The following GPR158 variants were observed in gnomAD, a reference collection of about 807,000 sequenced individuals.
GPR158 encodes the protein metabotropic glycine receptor.
Under a neutral mutation model 78.2 loss-of-function variants are expected in GPR158, and 30 were observed. The ratio of observed to expected loss-of-function variants is 0.38; its 90% confidence interval spans 0.29 to 0.52. The LOEUF is 0.52. Ranked by LOEUF, GPR158 falls within the 20% of genes least tolerant of loss-of-function variation. The pLI is 0.83. For missense variants in GPR158, 1,463 were observed against 1,523.5 expected, an observed-to-expected ratio of 0.96 and a Z score of 0.66; for synonymous variants, 581 against 591.1, an observed-to-expected ratio of 0.98 and a Z score of 0.25.
At chr10:25,195,058 T>G (rs1852825819) in intron 1 of GPR158, among the ~76,000 whole-genome samples, 1 of 152,118 alleles carries the variant, frequency 6.6e-6, no homozygotes, top group Admixed American at 6.5e-5. Flanking sequence ...TTTTTCTAGA[T>G]CACTTGCTTA....
chr10:25,514,758 T>G (rs1836137722), intron 5 of GPR158, among the ~76,000 whole-genome samples: 2 of 152,178 alleles, frequency 1.3e-5, no homozygotes, highest in Admixed American at 1.3e-4. Flanking sequence ...ACTGTTTCTT[T>G]CCTTCATTTA....
At chr10:25,340,374 T>G (rs147321973) in intron 2 of GPR158, among the ~76,000 whole-genome samples, 33 of 152,188 alleles carry the variant, frequency 2.2e-4, no homozygotes, top group African/African-American at 7.9e-4. Flanking sequence ...GGTGCATGTA[T>G]TTTGGGAGGA....
chr10:25,197,667 A>G (rs931877052), intron 1 of GPR158, among the ~76,000 whole-genome samples: 1 of 152,164 alleles, frequency 6.6e-6, no homozygotes, highest in African/African-American at 2.4e-5. Context: ...GTTCACATAC[A>G]TTTTCTTTCT....
At chr10:25,497,823 T>G (rs1835903376) in intron 5 of GPR158, among the ~76,000 whole-genome samples, 1 of 152,200 alleles carries the variant, frequency 6.6e-6, no homozygotes, top group Non-Finnish European at 1.5e-5. Flanking sequence ...ACCCTTCTAC[T>G]TTTTTGTTGA....
At chr10:25,269,407 G>A (rs16925522) in intron 2 of GPR158, among the ~76,000 whole-genome samples, 1,946 of 152,260 alleles carry the variant, frequency 0.013, 30 homozygotes, top group South Asian at 0.057. Context: ...TTTGAAAAGT[G>A]TTTGTTAATC....
chr10:25,327,322 T>C (rs1455172085), intron 2 of GPR158, among the ~76,000 whole-genome samples: 1 of 152,104 alleles, frequency 6.6e-6, no homozygotes, highest in Non-Finnish European at 1.5e-5. Flanking sequence ...TTCAGTCACC[T>C]GGACAACCTA....
chr10:25,249,997 A>T (rs1462076448), intron 2 of GPR158, among the ~76,000 whole-genome samples: 8 of 137,252 alleles, frequency 5.8e-5, no homozygotes, highest in East Asian at 2.1e-4. Context: ...AGCTCCTGTT[A>T]TTGGTCTATT....
chr10:25,285,980 T>C (rs531604427), intron 2 of GPR158, among the ~76,000 whole-genome samples: 2 of 152,332 alleles, frequency 1.3e-5, no homozygotes, highest in South Asian at 2.1e-4. Flanking sequence ...GCAGTGCTTC[T>C]TATTGGAAGT....
At chr10:25,396,099 G>A in intron 3 of GPR158, 86 bp downstream of exon 3, 1 of 602,954 alleles carries the variant, frequency 1.7e-6, no homozygotes, top group Non-Finnish European at 2.9e-6. Flanking sequence ...CCTTGTTGGA[G>A]TTATATGGTT....
chr10:25,412,043 A>G (rs1405382152), intron 3 of GPR158, among the ~76,000 whole-genome samples: 1 of 149,490 alleles, frequency 6.7e-6, no homozygotes, highest in Non-Finnish European at 1.5e-5. Context: ...ACCACTTTCA[A>G]TGATGATTTT....
intron 5 of GPR158, among the ~76,000 whole-genome samples, chr10:25,527,971 A>C (rs530942775): frequency 6.6e-6 from 1 of 152,254 alleles, no homozygotes; most frequent in African/African-American, 2.4e-5. Context: ...GAAAAATACA[A>C]CTTACTAAAA....
intron 2 of GPR158, among the ~76,000 whole-genome samples, chr10:25,368,185 T>C (rs1221993205): frequency 6.6e-6 from 1 of 151,856 alleles, no homozygotes; most frequent in African/African-American, 2.4e-5. Flanking sequence ...TCTGCCTTAC[T>C]TCCCTTCTCC....
At chr10:25,532,691 C>T (rs1228540950) in intron 5 of GPR158, among the ~76,000 whole-genome samples, 1 of 151,274 alleles carries the variant, frequency 6.6e-6, no homozygotes, top group Non-Finnish European at 1.5e-5. Flanking sequence ...ACCAGAAATC[C>T]TTTTATGCAT....
Position 25,249,590 on chromosome 10 carries a change from T to C in GPR158, c.1008+28433T>C, listed in dbSNP as rs1211941238. On this transcript the variant is annotated intron_variant, in intron 2 of 10. Transcript: ENST00000376351. ...ATAATCATGTGGATTTTGTCTTTGG[T>C]TCTGTTTATATGCTGGATTACATTT... is the stretch of plus-strand genomic sequence containing the variant. Among the ~76,000 whole-genome samples the C allele has an allele frequency of 2.3e-3, 349 of 151,864 alleles. 2 individuals carry two copies. The highest frequency in any genetic ancestry group is 8.0e-3 in the African/African-American group (332 of 41,326).
At chr10:25,441,450 A>G (rs1452334837) in intron 4 of GPR158, among the ~76,000 whole-genome samples, 1 of 152,150 alleles carries the variant, frequency 6.6e-6, no homozygotes, top group Admixed American at 6.5e-5. Flanking sequence ...TTTAGTCACT[A>G]TTATTAGACA....
intron 4 of GPR158, among the ~76,000 whole-genome samples, chr10:25,416,825 G>C (rs892236012): frequency 6.6e-6 from 1 of 151,960 alleles, no homozygotes; most frequent in Non-Finnish European, 1.5e-5. Flanking sequence ...CCTTATTCCA[G>C]CATATGAAAT....
chr10:25,378,316 C>T (rs1760771), intron 2 of GPR158, among the ~76,000 whole-genome samples: 123,776 of 151,986 alleles, frequency 0.81, 51,405 homozygotes, highest in Non-Finnish European at 0.87. Context: ...ATAAATGTAA[C>T]CATATTTCAT....
intron 2 of GPR158, among the ~76,000 whole-genome samples, chr10:25,332,677 C>T (rs966652870): frequency 2.0e-5 from 3 of 152,156 alleles, no homozygotes; most frequent in Non-Finnish European, 2.9e-5. Flanking sequence ...TCATACCGTG[C>T]TGCCTCCCTT....
intron 5 of GPR158, among the ~76,000 whole-genome samples, chr10:25,497,670 T>C (rs905403011): frequency 6.6e-5 from 10 of 152,192 alleles, no homozygotes; most frequent in African/African-American, 2.4e-4. Context: ...GCAAATACTA[T>C]ATGCTGTGTG....
Sources: gnomAD v4.1 joint callset for allele counts (sites outside exome capture counted in the v4.1 genomes callset) on GRCh38, gnomAD v4.1.1 for gene constraint, MANE v1.5 for transcripts, NCBI Gene and HGNC (gene_info 2026-07-23, HGNC 2026-07-21) for gene names.